SMIM35: variants seen among roughly 807,000 people sequenced by gnomAD.
SMIM35 encodes small integral membrane protein 35, also known as TMPRSS4 antisense RNA 1 (non-protein coding).
intron 1 of SMIM35, chr11:118,077,038 G>C (rs1177998664): frequency 4.3e-6 from 2 of 465,556 alleles, no homozygotes; most frequent in Non-Finnish European, 7.6e-6. Context: ...AACTTCACTT[G>C]TAGGGCTGTT....
chr11:118,034,333 G>A (rs554607309), intron 1 of SMIM35, among the ~76,000 whole-genome samples: 1 of 152,202 alleles, frequency 6.6e-6, no homozygotes, highest in Admixed American at 6.5e-5. Context: ...TACAAATAAA[G>A]CACTTAATAA....
At chr11:118,077,777 T>C (rs3782026) in intron 1 of SMIM35, among the ~76,000 whole-genome samples, 4,168 of 152,066 alleles carry the variant, frequency 0.027, 142 homozygotes, top group East Asian at 0.11. Flanking sequence ...TTTGCGAGGC[T>C]GAGGCAGACA....
At chr11:118,067,903 A>ATATG (rs1944507149) in intron 1 of SMIM35, among the ~76,000 whole-genome samples, 16 of 116,774 alleles carry the variant, frequency 1.4e-4, no homozygotes, top group Non-Finnish European at 2.4e-4. Flanking sequence ...ATATATATAT[A>ATATG]TATGAAAAGT....
chr11:118,007,833 C>T (rs2058129658), intron 4 of SMIM35, among the ~76,000 whole-genome samples: 1 of 152,004 alleles, frequency 6.6e-6, no homozygotes, highest in Non-Finnish European at 1.5e-5. Context: ...CAGCACTGCC[C>T]AACCTGTTTT....
intron 1 of SMIM35, among the ~76,000 whole-genome samples, chr11:118,055,693 A>G (rs968923283): frequency 6.6e-6 from 1 of 152,134 alleles, no homozygotes; most frequent in Non-Finnish European, 1.5e-5. Context: ...CCTACAAAAC[A>G]CCACCCAATA....
chr11:118,023,199 C>G lies in SMIM35; in HGVS notation c.8-7390G>C, dbSNP rs1175910277. Reference sequence around the variant, plus strand: ...CCAACAGAGCACAGGCCTTGGAATCCTGCAGCCTGGGTCTGAATCCTATTC... The same window carrying G: ...CCAACAGAGCACAGGCCTTGGAATCGTGCAGCCTGGGTCTGAATCCTATTC... On this transcript the variant is annotated intron_variant, in intron 1 of 4. Coordinates refer to ENST00000689828, the MANE Select transcript of SMIM35 (RefSeq NM_001394165.1). Among the ~76,000 whole-genome samples, 13 of 151,966 alleles carry G rather than the reference C, an allele frequency of 8.6e-5. 1 individual carries two copies.
chr11:118,024,011 T>C, intron 1 of SMIM35, among the ~76,000 whole-genome samples: 1 of 132,230 alleles, frequency 7.6e-6, no homozygotes, highest in Non-Finnish European at 1.6e-5. Context: ...TGAGATGCCT[T>C]CTCCAAAAAA....
intron 1 of SMIM35, among the ~76,000 whole-genome samples, chr11:118,051,071 G>A (rs1187398366): frequency 1.3e-5 from 2 of 152,218 alleles, no homozygotes; most frequent in African/African-American, 2.4e-5. Flanking sequence ...GGAGGTAGAG[G>A]CAGGCTCATG....
intron 1 of SMIM35, among the ~76,000 whole-genome samples, chr11:118,033,678 G>A (rs190761075): frequency 1.1e-3 from 165 of 152,234 alleles, no homozygotes; most frequent in Admixed American, 3.3e-3. Flanking sequence ...TCCCTCCCTC[G>A]GGGGCACTTC....
At chr11:118,046,487 T>C (rs1944098617) in intron 1 of SMIM35, among the ~76,000 whole-genome samples, 1 of 152,190 alleles carries the variant, frequency 6.6e-6, no homozygotes, top group East Asian at 1.9e-4. Context: ...AATGCAGTCT[T>C]AACATCAGGT....
intron 1 of SMIM35, among the ~76,000 whole-genome samples, chr11:118,065,469 C>T (rs1012455747): frequency 6.6e-6 from 1 of 152,238 alleles, no homozygotes; most frequent in Non-Finnish European, 1.5e-5. Context: ...AAAACCCCAA[C>T]TTTCACACCT....
chr11:118,070,966 A>G (rs1011155232), intron 1 of SMIM35, among the ~76,000 whole-genome samples: 2 of 152,224 alleles, frequency 1.3e-5, no homozygotes, highest in African/African-American at 4.8e-5. Context: ...CCTGAGCCTC[A>G]GTTTACTCCC....
chr11:118,076,781 C>T (rs1484891469), intron 1 of SMIM35, among the ~76,000 whole-genome samples: 2 of 152,166 alleles, frequency 1.3e-5, no homozygotes, highest in Admixed American at 1.3e-4. Context: ...CCCACAACCC[C>T]AAACCAAAGC....
intron 1 of SMIM35, among the ~76,000 whole-genome samples, chr11:118,021,060 C>CTTTTTTTTTTTTTTTTTTTTTTTTTTTTT (rs1591279274): frequency 8.0e-6 from 1 of 125,512 alleles, no homozygotes. Flanking sequence ...TTTTTTTTTA[C>CTTTTTTTTTTTTTTTTTTTTTTTTTTTTT]TATTTATTAA....
chr11:118,044,752 C>T (rs1591295058), intron 1 of SMIM35, among the ~76,000 whole-genome samples: 1 of 109,118 alleles, frequency 9.2e-6, no homozygotes, highest in Non-Finnish European at 1.7e-5. Flanking sequence ...TTAGCCTGGG[C>T]AAGAGTGAGA....
rs2058115120 is a variant in SMIM35 at position 118,005,199 on chromosome 11, T to G, written c.*1211A>C. 1 of 152,214 alleles carries G rather than the reference T, an allele frequency of 6.6e-6. No homozygotes were observed. Among genetic ancestry groups the G allele is most frequent in the South Asian group, 2.1e-4 (1 of 4,830 alleles). The allele number at this position is 152,214 out of a possible 1,614,324, so 9.4% of individuals were successfully genotyped here. ...CATGGGAGTATTTGTCTTCCTAAGC[T>G]GCTCCCCAAGGCCCAGAATTTCTGA... On this transcript the variant is annotated 3_prime_UTR_variant, in exon 5 of 5. Transcript: ENST00000689828.
chr11:118,050,632 CA>C (rs1377841593), intron 1 of SMIM35, among the ~76,000 whole-genome samples: 4 of 152,240 alleles, frequency 2.6e-5, no homozygotes, highest in African/African-American at 4.8e-5. Flanking sequence ...GCCTCCATTT[CA>C]CTCACTCTTC....
At chr11:118,073,572 T>C (rs1944607984) in intron 1 of SMIM35, among the ~76,000 whole-genome samples, 1 of 152,212 alleles carries the variant, frequency 6.6e-6, no homozygotes, top group Non-Finnish European at 1.5e-5. Context: ...AAGCTGCCGG[T>C]GCAGCTTCAA....
At chr11:118,062,104 T>C (rs547277293) in intron 1 of SMIM35, among the ~76,000 whole-genome samples, 1 of 152,254 alleles carries the variant, frequency 6.6e-6, no homozygotes, top group African/African-American at 2.4e-5. Flanking sequence ...CCAAGGCAGG[T>C]GGATCACCTG....
Sources: gnomAD v4.1 joint callset for allele counts (sites outside exome capture counted in the v4.1 genomes callset) on GRCh38, gnomAD v4.1.1 for gene constraint, MANE v1.5 for transcripts, NCBI Gene and HGNC (gene_info 2026-07-23, HGNC 2026-07-21) for gene names.